The following USH1C variants were observed in gnomAD, a reference collection of about 807,000 sequenced individuals.
USH1C encodes USH1 protein network component harmonin.
Under a neutral mutation model 119.3 loss-of-function variants are expected in USH1C, and 90 were observed. The ratio of observed to expected loss-of-function variants is 0.75; its 90% CI spans 0.64 to 0.90. The LOEUF (loss-of-function observed/expected upper bound fraction) is 0.90. USH1C is among the 40% of genes least tolerant of loss of function. The probability of loss-of-function intolerance (pLI) is 0.00; values close to 1 mark genes in which losing one functional copy is unlikely to be tolerated. For synonymous variants in USH1C, 465 were observed against 443.3 expected, an observed-to-expected ratio of 1.05 and a Z score of -0.62; for missense variants, 1,165 against 1,167.7, an observed-to-expected ratio of 1.00 and a Z score of 0.03.
chr11:17,510,140 T>C (rs918283232), intron 17 of USH1C, among the ~76,000 whole-genome samples: 4 of 152,144 alleles, frequency 2.6e-5, no homozygotes, highest in African/African-American at 4.8e-5. Flanking sequence ...GGGGGACTCT[T>C]AGTCATGATG....
intron 21 of USH1C, 132 bp downstream of exon 21, chr11:17,501,807 C>T: frequency 9.2e-7 from 1 of 1,081,438 alleles, no homozygotes; most frequent in Non-Finnish European, 1.4e-6. Flanking sequence ...GCTGGGGCAT[C>T]ACTGGGGCTC....
intron 8 of USH1C, 79 bp from the exon 9 acceptor site, chr11:17,524,614 G>A: frequency 6.8e-7 from 1 of 1,479,066 alleles, no homozygotes; most frequent in Non-Finnish European, 9.2e-7. Context: ...CTCATGAGCT[G>A]AGGACTGAAG....
Position 17,524,511 on chromosome 11 carries a change from C to T in USH1C, c.699G>A (p.Lys233=). ...TCACATGGCTGATAAAGATGCCAGG[C>T]TTCTGGATGGGGCCGCTGGAAATGC... The part of the protein sequence containing the change: ...GCSISSGPIQ[K]PGIFISHVKP... Residue 233 remains lysine, a synonymous_variant, in exon 9 of 27, where the codon AAG becomes AAA. Coordinates refer to ENST00000005226, the MANE Select transcript of USH1C (RefSeq NM_153676.4). 1 of 1,567,340 alleles carries T rather than the reference C, an allele frequency of 6.4e-7. No homozygotes were observed. The highest frequency in any genetic ancestry group is 8.7e-7 in the Non-Finnish European group (1 of 1,154,526).
chr11:17,512,659 G>A (rs1342309263), intron 15 of USH1C, among the ~76,000 whole-genome samples: 1 of 152,106 alleles, frequency 6.6e-6, no homozygotes, highest in African/African-American at 2.4e-5. Flanking sequence ...AGACCTGGGG[G>A]CTCAGACCCA....
chr11:17,508,738 ACT>A (rs1849744195), intron 18 of USH1C, among the ~76,000 whole-genome samples: 1 of 151,966 alleles, frequency 6.6e-6, no homozygotes, highest in African/African-American at 2.4e-5. Context: ...ATTTCTAGGA[ACT>A]CTCTCATCTT....
chr11:17,543,792 T>G (rs1401264728), intron 1 of USH1C, among the ~76,000 whole-genome samples: 5 of 152,226 alleles, frequency 3.3e-5, no homozygotes, highest in African/African-American at 4.8e-5. Context: ...CAGGCAGGGC[T>G]GAAATGCTTC....
Position 17,531,232 on chromosome 11 carries a change from AC to A in USH1C, c.308del (p.Arg103LeufsTer28). 1 of 1,614,078 alleles carries A rather than the reference AC, an allele frequency of 6.2e-7. No individual in the cohort carries two copies. Among genetic ancestry groups the A allele is most frequent in the African/African-American group, 1.3e-5 (1 of 75,012 alleles). ...LHPEGLGLSV[R>X]GGLEFGCGLF... ...GCCCACAGCCAAACTCCAGGCCACCACGCACACTCAGGCCGAGGCCTTCGGG... is the reference window on the plus strand; with the variant it reads ...GCCCACAGCCAAACTCCAGGCCACCAGCACACTCAGGCCGAGGCCTTCGGG... On this transcript the variant is annotated frameshift_variant, in exon 4 of 27. Coordinates refer to ENST00000005226, the MANE Select transcript of USH1C (RefSeq NM_153676.4). LOFTEE classifies it high-confidence loss of function. The surrounding 1 kb of genome is among the most constrained non-coding windows in gnomAD (Gnocchi z 4.2).
At chr11:17,502,051 GATGA>G (rs1565023320) in intron 20 of USH1C, 71 bp from the exon 21 acceptor site, 21 of 1,521,318 alleles carry the variant, frequency 1.4e-5, no homozygotes, top group Non-Finnish European at 1.7e-5. Flanking sequence ...GGAGTAGGGG[GATGA>G]ATGGTCGGAA....
intron 12 of USH1C, among the ~76,000 whole-genome samples, chr11:17,521,870 G>A (rs1391910098): frequency 6.6e-6 from 1 of 152,140 alleles, no homozygotes; most frequent in Non-Finnish European, 1.5e-5. Flanking sequence ...GTCTCACTTT[G>A]CACCCAGGAG....
intron 18 of USH1C, among the ~76,000 whole-genome samples, chr11:17,508,010 C>T (rs1849716861): frequency 6.6e-6 from 1 of 152,202 alleles, no homozygotes; most frequent in African/African-American, 2.4e-5. Flanking sequence ...GCATGTCAAT[C>T]TCCTCTGCAT....
At chr11:17,542,939 A>G (rs2237955) in intron 1 of USH1C, among the ~76,000 whole-genome samples, 80,192 of 152,060 alleles carry the variant, frequency 0.53, 21,443 homozygotes, top group African/African-American at 0.61. Flanking sequence ...GCAGGACCAG[A>G]AATGCCCAAG....
In USH1C at chr11:17,509,459, G is replaced by C. The variant is rs754365594; in HGVS notation, c.1910C>G (p.Thr637Ser). ...CTCCACTGGATTGCCTGTGTCCCCA[G>C]TGCGGAAGGGATGGTTGCTCAGTGC... Reference protein sequence around the residue: ...EEALSNHPFRTGDTGNPVEDW... With the variant: ...EEALSNHPFRSGDTGNPVEDW... The change falls in exon 18 of 27, where the codon ACT becomes AGT. Residue 637 changes from threonine (T) to serine (S), a missense_variant. Physicochemically the swap from Thr to Ser is moderately conservative, Grantham distance 58. Transcript: ENST00000005226. 3.7e-6 allele frequency: 6 copies of C among 1,613,168 alleles called. No individual in the cohort carries two copies. The highest frequency in any genetic ancestry group is 5.1e-6 in the Non-Finnish European group (6 of 1,179,726).
chr11:17,542,594 A>G (rs1851514144), intron 1 of USH1C, among the ~76,000 whole-genome samples: 1 of 152,248 alleles, frequency 6.6e-6, no homozygotes, highest in African/African-American at 2.4e-5. Flanking sequence ...CAAACCCAGG[A>G]TCTGCATCAG....
chr11:17,510,341 G>T, intron 17 of USH1C, 64 bp downstream of exon 17: 1 of 1,384,394 alleles, frequency 7.2e-7, no homozygotes, highest in Non-Finnish European at 1.0e-6. Context: ...ACCTCCCGCT[G>T]TCCCCACAGT....
rs1454485974 is a variant in USH1C, at chr11:17,544,377, A to T, written c.-70T>A. 4.3e-6 allele frequency: 7 copies of T among 1,609,680 alleles called. No individual in the cohort carries two copies. The highest frequency in any genetic ancestry group is 5.1e-6 in the Non-Finnish European group (6 of 1,177,828). Reference sequence around the variant, plus strand: ...GGGTGCCCGGCTGCCAGGAGCTGGAAAGAGCCGCGACCGCGACCGGGCCAG... The same window carrying T: ...GGGTGCCCGGCTGCCAGGAGCTGGATAGAGCCGCGACCGCGACCGGGCCAG... On this transcript the variant is annotated 5_prime_UTR_variant, in exon 1 of 27. Coordinates refer to ENST00000005226, the MANE Select transcript of USH1C (RefSeq NM_153676.4).
chr11:17,526,009 T>C (rs1850651372), intron 8 of USH1C, among the ~76,000 whole-genome samples: 1 of 152,192 alleles, frequency 6.6e-6, no homozygotes, highest in Non-Finnish European at 1.5e-5. Flanking sequence ...GAGACCAGCC[T>C]GGGCAACATA....
rs185603222 is a variant in USH1C, at chr11:17,531,893, C to A, written c.105-351G>T. Among the ~76,000 whole-genome samples, 9 of 152,302 alleles carry A rather than the reference C, an allele frequency of 5.9e-5. No homozygotes were observed. Among genetic ancestry groups the A allele is most frequent in the Non-Finnish European group, 1.2e-4 (8 of 68,014 alleles). ...TCCTCACACACTCATCATCTCCACT[C>A]GTATCTGCTGCTAAGCTCTGTCAAT... On this transcript the variant is annotated intron_variant, in intron 2 of 26. Transcript: ENST00000005226. The surrounding 1 kb of genome is among the most constrained non-coding windows in gnomAD (Gnocchi z 4.2).
chr11:17,527,232 T>G lies in USH1C; in HGVS notation c.487A>C (p.Lys163Gln). Residue 163 changes from lysine to glutamine, a missense_variant, in exon 5 of 27, where the codon AAA becomes CAA. Physicochemically the swap from Lys to Gln is moderately conservative, Grantham distance 53. Coordinates refer to ENST00000005226, the MANE Select transcript of USH1C (RefSeq NM_153676.4). Reference protein sequence around the residue: ...LIRTKKTVSIKVRHIGLIPVK... With the variant: ...LIRTKKTVSIQVRHIGLIPVK... The stretch of plus-strand genomic sequence containing the variant: ...CTCTGGCCTCACTCACGTCTCACTT[T>G]GATGGACACAGTTTTCTTGGTTCGA... 4 of 1,546,670 alleles carry G rather than the reference T, an allele frequency of 2.6e-6. No individual in the cohort carries two copies. The highest frequency in any genetic ancestry group is 3.5e-6 in the Non-Finnish European group (4 of 1,137,586).
chr11:17,532,730 CTT>C (rs1358287614), intron 2 of USH1C, among the ~76,000 whole-genome samples: 3 of 152,196 alleles, frequency 2.0e-5, no homozygotes, highest in Non-Finnish European at 4.4e-5. Context: ...TTTGATGTAA[CTT>C]ATATTAGAGT....
Sources: gnomAD v4.1 joint callset for allele counts (sites outside exome capture counted in the v4.1 genomes callset) on GRCh38, gnomAD v4.1.1 for gene constraint, Gnocchi (gnomAD v3.1) non-coding constraint, MANE v1.5 for transcripts, NCBI Gene and HGNC (gene_info 2026-07-23, HGNC 2026-07-21) for gene names.